Variants in AK7 observed in about 807,000 individuals in gnomAD.
The protein encoded by AK7 is ATP-AMP transphosphorylase 7.
Under a neutral mutation model 96.6 loss-of-function variants are expected in AK7, and 78 were observed. The ratio of observed to expected loss-of-function variants is 0.81; its 90% CI spans 0.67 to 0.97. The LOEUF (loss-of-function observed/expected upper bound fraction) is 0.97, where lower values mean the gene tolerates loss of function less well. AK7 is among the 50% of genes least tolerant of loss of function. The pLI is 0.00. For missense variants in AK7, 855 were observed against 887.9 expected (o/e 0.96, Z 0.47); for synonymous variants, 302 against 317.2 (o/e 0.95, Z 0.51).
At chr14:96,478,687 G>A in intron 15 of AK7, 25 bp downstream of exon 15, 1 of 1,609,358 alleles carries the variant, frequency 6.2e-7, no homozygotes, top group Non-Finnish European at 8.5e-7. Flanking sequence ...CAAGGATAAT[G>A]TGAATGTCCA....
At chr14:96,480,355 C>A (rs1020690045) in intron 15 of AK7, among the ~76,000 whole-genome samples, 3 of 151,928 alleles carry the variant, frequency 2.0e-5, no homozygotes, top group African/African-American at 7.3e-5. Flanking sequence ...TCATTTGAAC[C>A]CAGGAGGCAG....
chr14:96,450,048 A>G lies in AK7; in HGVS notation c.948+169A>G, dbSNP rs578056024. 2.6e-5 allele frequency among the ~76,000 whole-genome samples: 4 copies of G among 152,240 alleles called. No homozygotes were observed. In the East Asian group the frequency reaches 5.8e-4, roughly 22 times the overall value. ...CATCTTCATCTCCTACCACACCACCAGATATTCTACCCTAAGACAACTTAC... is the reference window on the plus strand; with the variant it reads ...CATCTTCATCTCCTACCACACCACCGGATATTCTACCCTAAGACAACTTAC... On this transcript the variant is annotated intron_variant, in intron 9 of 17. Transcript: ENST00000267584.
intron 1 of AK7, among the ~76,000 whole-genome samples, chr14:96,394,683 A>C (rs545500906): frequency 1.2e-4 from 18 of 152,316 alleles, no homozygotes; most frequent in African/African-American, 3.4e-4. Context: ...TTTCAAAAAG[A>C]TACAGATACA....
intron 8 of AK7, among the ~76,000 whole-genome samples, chr14:96,448,630 TAAAAAAAAAA>T (rs71103528): frequency 2.7e-5 from 2 of 74,884 alleles, no homozygotes; most frequent in East Asian, 4.5e-4. Context: ...ACCCTATCTC[TAAAAAAAAAA>T]AAAAAAAAAA....
At chr14:96,398,350 C>G in intron 2 of AK7, 87 bp downstream of exon 2, 2 of 1,359,890 alleles carry the variant, frequency 1.5e-6, no homozygotes. Context: ...TTACTGTTTG[C>G]CTCCCCTCCC....
Position 96,449,125 on chromosome 14 carries a change from A to G in AK7, c.871-677A>G, listed in dbSNP as rs141785761. On this transcript the variant is annotated intron_variant, in intron 8 of 17. Coordinates refer to ENST00000267584, the MANE Select transcript of AK7 (RefSeq NM_152327.5). ...TTATAAGACACTAATCTCATTCTTG[A>G]GGGCTCTACCCTCAAGACCCACTTT... Among the ~76,000 whole-genome samples, 137 of 152,166 alleles carry G rather than the reference A, an allele frequency of 9.0e-4. No individual in the cohort carries two copies. In the East Asian group the frequency reaches 0.026, roughly 29 times the overall value.
At chr14:96,430,359 G>C (rs1286475752) in intron 5 of AK7, among the ~76,000 whole-genome samples, 15 of 151,832 alleles carry the variant, frequency 9.9e-5, no homozygotes. Flanking sequence ...CTAATTTTTT[G>C]TATTTTTAGT....
At chr14:96,438,896 G>A (rs1476052225) in intron 6 of AK7, among the ~76,000 whole-genome samples, 5 of 152,142 alleles carry the variant, frequency 3.3e-5, no homozygotes, top group Non-Finnish European at 5.9e-5. Flanking sequence ...TGAAGAGAGA[G>A]TCAATGGGAT....
At chr14:96,487,691 T>A (rs990651401) in intron 17 of AK7, among the ~76,000 whole-genome samples, 1 of 151,960 alleles carries the variant, frequency 6.6e-6, no homozygotes, top group Non-Finnish European at 1.5e-5. Flanking sequence ...TCTCCCAAAG[T>A]GCTGAGATTA....
intron 10 of AK7, among the ~76,000 whole-genome samples, chr14:96,455,302 C>T (rs574707420): frequency 1.5e-3 from 235 of 152,198 alleles, no homozygotes; most frequent in Non-Finnish European, 2.5e-3. Context: ...CTGAACCACA[C>T]AGTGAGATCT....
At chr14:96,417,630 T>C (rs1436492231) in intron 4 of AK7, among the ~76,000 whole-genome samples, 1 of 152,196 alleles carries the variant, frequency 6.6e-6, no homozygotes, top group African/African-American at 2.4e-5. Context: ...AAACACACTT[T>C]GCTCTCTTTG....
intron 6 of AK7, among the ~76,000 whole-genome samples, chr14:96,441,728 C>T (rs777676754): frequency 2.6e-4 from 40 of 151,322 alleles, no homozygotes; most frequent in Non-Finnish European, 5.2e-4. Context: ...CTTGACTTTT[C>T]CCTTTGGCTT....
chr14:96,424,224 C>T (rs1403329097), intron 5 of AK7: 10 of 466,474 alleles, frequency 2.1e-5, no homozygotes, highest in Admixed American at 3.9e-5. Context: ...CGTGGCGGGG[C>T]CGAGCGGAGC....
intron 6 of AK7, among the ~76,000 whole-genome samples, chr14:96,441,476 T>TA (rs1892953677): frequency 6.6e-6 from 1 of 151,526 alleles, no homozygotes; most frequent in South Asian, 2.1e-4. Flanking sequence ...CCATCTCTAT[T>TA]AAAAATACAA....
chr14:96,420,680 G>A (rs1393900094), intron 4 of AK7, 142 bp from the exon 5 acceptor site: 23 of 594,350 alleles, frequency 3.9e-5, no homozygotes, highest in Admixed American at 2.2e-4. Flanking sequence ...GCAACACAGC[G>A]AGACCCTGTC....
At chr14:96,428,291 A>T (rs1892148729) in intron 5 of AK7, among the ~76,000 whole-genome samples, 1 of 151,736 alleles carries the variant, frequency 6.6e-6, no homozygotes, top group African/African-American at 2.4e-5. Flanking sequence ...AAGGACATGA[A>T]CTCATCCTTT....
chr14:96,457,803 C>A (rs1358053323), intron 11 of AK7, among the ~76,000 whole-genome samples: 1 of 152,146 alleles, frequency 6.6e-6, no homozygotes, highest in Non-Finnish European at 1.5e-5. Context: ...TAAGATACAA[C>A]CCAATACCTT....
rs532746340 is a variant in AK7, at chr14:96,431,457, G to C, written c.610-6378G>C. 4.6e-5 allele frequency among the ~76,000 whole-genome samples: 7 copies of C among 152,258 alleles called. No homozygotes were observed. In the East Asian group the frequency reaches 1.4e-3, roughly 29 times the overall value. On this transcript the variant is annotated intron_variant, in intron 5 of 17. Transcript: ENST00000267584. ...TGTGTCCCAGAGATTCTGGTACGTT[G>C]TGTCTTTGTTCTCATTGATTTCAAA... is the stretch of plus-strand genomic sequence containing the variant.
chr14:96,481,704 C>CTTT (rs574599095), intron 15 of AK7, among the ~76,000 whole-genome samples: 8 of 133,036 alleles, frequency 6.0e-5, no homozygotes, highest in African/African-American at 2.3e-4. Context: ...TGACTTTTAC[C>CTTT]TTTTTTTTTT....
Sources: allele counts gnomAD v4.1 joint callset (sites outside exome capture counted in the v4.1 genomes callset), GRCh38; gene constraint gnomAD v4.1.1; transcripts MANE v1.5; gene names NCBI Gene and HGNC (gene_info 2026-07-23, HGNC 2026-07-21).